Variants in ST7 observed in about 807,000 individuals in gnomAD.
The protein encoded by ST7 is suppression of tumorigenicity 7.
A neutral mutation model predicts 78.7 loss-of-function variants in ST7; 28 were observed. The observed-to-expected ratio is 0.36, with a 90% confidence interval of 0.26 to 0.49. The LOEUF is 0.49. ST7 is among the 20% of genes least tolerant of loss of function. The pLI is 0.99. For synonymous variants in ST7, 247 were observed against 249.6 expected, an observed-to-expected ratio of 0.99 and a Z score of 0.10; for missense variants, 418 against 696.0, an observed-to-expected ratio of 0.60 and a Z score of 4.49.
At chr7:117,097,008 G>A (rs1195283532) in intron 1 of ST7, among the ~76,000 whole-genome samples, 1 of 151,648 alleles carries the variant, frequency 6.6e-6, no homozygotes, top group African/African-American at 2.4e-5. Flanking sequence ...AAAAACAAAT[G>A]AATGGAATCT....
chr7:117,198,024 C>T (rs1315025827), intron 12 of ST7, among the ~76,000 whole-genome samples: 1 of 152,116 alleles, frequency 6.6e-6, no homozygotes, highest in African/African-American at 2.4e-5. Context: ...TGCACCACAG[C>T]CTGGGTGACA....
chr7:116,975,249 T>C (rs568465994), intron 1 of ST7, among the ~76,000 whole-genome samples: 5 of 152,158 alleles, frequency 3.3e-5, no homozygotes, highest in South Asian at 2.1e-4. Context: ...ATGAAACTTA[T>C]TCACTATCAC....
chr7:117,097,908 A>ATATATATATATATTTTTTTT, intron 1 of ST7, among the ~76,000 whole-genome samples: 1 of 30,012 alleles, frequency 3.3e-5, no homozygotes, highest in East Asian at 1.7e-3. Context: ...ATATATATAT[A>ATATATATATATATTTTTTTT]TTTTTTTTTT....
Position 117,169,158 on chromosome 7 carries a change from C to T in ST7, c.964-1704C>T, listed in dbSNP as rs1401205972. On this transcript the variant is annotated intron_variant, in intron 9 of 15. Coordinates refer to ENST00000323984, the MANE Select transcript of ST7 (RefSeq NM_001369598.1). ...CTTCCTTTTTTTTTTTTTTTTGAGA[C>T]GGAGTCTCACTCTGTTGCCCAGACT... is the stretch of plus-strand genomic sequence containing the variant. 5.2e-5 allele frequency among the ~76,000 whole-genome samples: 7 copies of T among 133,530 alleles called. No individual in the cohort carries two copies. In the East Asian group the frequency reaches 8.8e-4, roughly 17 times the overall value. 87.6% of individuals were successfully genotyped at this position (133,530 alleles called of 152,430 possible).
chr7:117,098,607 A>T, intron 1 of ST7: 1 of 312,126 alleles, frequency 3.2e-6, no homozygotes, highest in South Asian at 3.6e-5. Flanking sequence ...TCTCATTCAT[A>T]AACAGAGAAA....
chr7:117,204,929 T>C lies in ST7; in HGVS notation c.1255-4858T>C, dbSNP rs551193782. Among the ~76,000 whole-genome samples, 3 of 152,280 alleles carry C rather than the reference T, an allele frequency of 2.0e-5. No homozygotes were observed. In the South Asian group the frequency reaches 6.2e-4, roughly 32 times the overall value. ...AAAAATGCTTATTACAAGCCAGGCA[T>C]GGTGGCATATGCCTTATAGTCCCAG... On this transcript the variant is annotated intron_variant, in intron 12 of 15. Coordinates refer to ENST00000323984, the MANE Select transcript of ST7 (RefSeq NM_001369598.1).
intron 1 of ST7, among the ~76,000 whole-genome samples, chr7:116,964,479 A>T (rs890521250): frequency 3.3e-5 from 5 of 152,226 alleles, no homozygotes; most frequent in African/African-American, 1.2e-4. Flanking sequence ...AATAAGAACT[A>T]GTGGGATCTA....
At chr7:117,103,275 A>T (rs1801701987) in intron 2 of ST7, among the ~76,000 whole-genome samples, 1 of 152,256 alleles carries the variant, frequency 6.6e-6, no homozygotes. Context: ...GTGGAACCAC[A>T]GAAGACCCTG....
intron 13 of ST7, among the ~76,000 whole-genome samples, chr7:117,210,528 T>G (rs73714395): frequency 1.3e-5 from 2 of 152,040 alleles, no homozygotes; most frequent in African/African-American, 4.8e-5. Flanking sequence ...GTAAGGAGAA[T>G]AGGCTGTAAT....
chr7:117,069,517 C>T (rs549705538), intron 1 of ST7, among the ~76,000 whole-genome samples: 2 of 152,266 alleles, frequency 1.3e-5, no homozygotes, highest in Admixed American at 1.3e-4. Flanking sequence ...TCAGTTTTTC[C>T]CTTCTGCTGT....
intron 1 of ST7, chr7:116,972,102 A>C: frequency 1.9e-6 from 1 of 536,228 alleles, no homozygotes; most frequent in Admixed American, 2.0e-5. Context: ...AGCTTCAGGC[A>C]GGCTGGCCTC....
At chr7:117,187,361 T>G (rs1465340733) in intron 10 of ST7, among the ~76,000 whole-genome samples, 1 of 152,224 alleles carries the variant, frequency 6.6e-6, no homozygotes, top group Admixed American at 6.5e-5. Context: ...GGTTATTTTT[T>G]TTAAGCATTT....
At chr7:117,050,601 C>G (rs1011297777) in intron 1 of ST7, among the ~76,000 whole-genome samples, 1 of 152,090 alleles carries the variant, frequency 6.6e-6, no homozygotes, top group African/African-American at 2.4e-5. Context: ...ACTACCGTCT[C>G]TATATATTTT....
intron 1 of ST7, among the ~76,000 whole-genome samples, chr7:116,982,579 G>A (rs1302546732): frequency 3.3e-5 from 5 of 152,080 alleles, no homozygotes; most frequent in Non-Finnish European, 5.9e-5. Context: ...TACTCAAATT[G>A]TCCTAGATTT....
intron 1 of ST7, among the ~76,000 whole-genome samples, chr7:117,092,163 C>T (rs1456040001): frequency 6.6e-6 from 1 of 151,462 alleles, no homozygotes; most frequent in South Asian, 2.1e-4. Context: ...CCTGTAGTCC[C>T]AGCTACTCGG....
chr7:117,102,756 T>C (rs1046786626), intron 2 of ST7, among the ~76,000 whole-genome samples: 1 of 151,890 alleles, frequency 6.6e-6, no homozygotes, highest in Admixed American at 6.6e-5. Flanking sequence ...AGATAGGTGA[T>C]AGAAGAGAAA....
intron 1 of ST7, chr7:116,959,280 G>T (rs1374011793): frequency 4.3e-6 from 2 of 470,466 alleles, no homozygotes; most frequent in East Asian, 1.4e-4. Context: ...ACATCTTAAA[G>T]CTTCAGTTCT....
At chr7:117,074,188 C>T (rs773215880) in intron 1 of ST7, among the ~76,000 whole-genome samples, 2 of 152,030 alleles carry the variant, frequency 1.3e-5, no homozygotes, top group Admixed American at 6.6e-5. Flanking sequence ...GCCAGGAGTT[C>T]GAGACCAGCC....
chr7:117,185,988 A>G (rs1421844255), intron 10 of ST7, among the ~76,000 whole-genome samples: 2 of 152,234 alleles, frequency 1.3e-5, no homozygotes, highest in Non-Finnish European at 2.9e-5. Flanking sequence ...AACAATAACT[A>G]ATAGAACAGT....
Sources: allele counts gnomAD v4.1 joint callset (sites outside exome capture counted in the v4.1 genomes callset), GRCh38; gene constraint gnomAD v4.1.1; transcripts MANE v1.5; gene names NCBI Gene and HGNC (gene_info 2026-07-23, HGNC 2026-07-21).